The following STAG1 variants were observed in gnomAD, a reference collection of about 807,000 sequenced individuals.
STAG1 encodes the protein STAG1 cohesin complex component, also known as cohesin subunit SA-1.
In STAG1, 26 loss-of-function variants were observed where a neutral mutation model predicts 170.9. The ratio of observed to expected loss-of-function variants is 0.15; its 90% confidence interval spans 0.11 to 0.21. STAG1 has a LOEUF of 0.21. Ranked by LOEUF, STAG1 falls within the 10% of genes least tolerant of loss-of-function variation. STAG1 has a pLI of 1.00. For synonymous variants in STAG1, 514 were observed against 497.7 expected, an observed-to-expected ratio of 1.03 and a Z score of -0.44; for missense variants, 964 against 1,509.5, an observed-to-expected ratio of 0.64 and a Z score of 5.99.
In STAG1 at chr3:136,367,025, A is replaced by T; in HGVS notation, c.2603T>A (p.Leu868Gln). The change falls in exon 25 of 34, where the codon CTA (leucine) becomes CAA (glutamine). Residue 868 changes from leucine (L) to glutamine (Q), a missense_variant. Leu to Gln is a moderately radical substitution (Grantham distance 113). Transcript: ENST00000383202. ...GATAAGTTTGCTGAAAGCAGCAAGT[A>T]GATTCCTTCTTTTATGTAAGGCCTC... is the stretch of plus-strand genomic sequence containing the variant. ...KIEALHKRRN[L>Q]LAAFSKLIIY... 1 of 1,610,910 alleles carries T rather than the reference A, an allele frequency of 6.2e-7. No individual in the cohort carries two copies. The highest frequency in any genetic ancestry group is 8.5e-7 in the Non-Finnish European group (1 of 1,177,704).
chr3:136,393,681 C>T (rs2108331725), intron 22 of STAG1, among the ~76,000 whole-genome samples: 1 of 149,702 alleles, frequency 6.7e-6, no homozygotes, highest in African/African-American at 2.5e-5. Context: ...GCAATCTCTA[C>T]CTGCTGTGGG....
At chr3:136,381,516 G>A (rs1480050075) in intron 22 of STAG1, among the ~76,000 whole-genome samples, 3 of 152,174 alleles carry the variant, frequency 2.0e-5, no homozygotes, top group Non-Finnish European at 4.4e-5. Context: ...ACCTTGGGGA[G>A]AGCACTTTCA....
At chr3:136,358,770 T>TA in intron 27 of STAG1, among the ~76,000 whole-genome samples, 1 of 151,690 alleles carries the variant, frequency 6.6e-6, no homozygotes, top group East Asian at 2.0e-4. Flanking sequence ...GACAGGGTCT[T>TA]ACTGCATTGC....
intron 4 of STAG1, among the ~76,000 whole-genome samples, chr3:136,591,087 TAAGA>T (rs1478806291): frequency 6.6e-6 from 1 of 151,308 alleles, no homozygotes; most frequent in Non-Finnish European, 1.5e-5. Flanking sequence ...TTTGTTATAT[TAAGA>T]AAGTTGCTGC....
At chr3:136,394,809 C>T (rs2087105206) in intron 22 of STAG1, among the ~76,000 whole-genome samples, 1 of 151,702 alleles carries the variant, frequency 6.6e-6, no homozygotes, top group African/African-American at 2.4e-5. Context: ...AAAAATTAGC[C>T]AGGCATGGTG....
intron 21 of STAG1, among the ~76,000 whole-genome samples, chr3:136,400,294 C>A (rs967135529): frequency 6.6e-6 from 1 of 151,982 alleles, no homozygotes; most frequent in African/African-American, 2.4e-5. Context: ...GTGGCGTGAT[C>A]TCGGCTCACT....
intron 1 of STAG1, among the ~76,000 whole-genome samples, chr3:136,657,909 T>C (rs2107862324): frequency 6.6e-6 from 1 of 152,314 alleles, no homozygotes; most frequent in East Asian, 1.9e-4. Context: ...CCCTGTTGAC[T>C]TGTTGTACTT....
chr3:136,652,240 CA>C (rs1477858218), intron 1 of STAG1, among the ~76,000 whole-genome samples: 1 of 152,090 alleles, frequency 6.6e-6, no homozygotes, highest in Non-Finnish European at 1.5e-5. Flanking sequence ...TGTTAAAAGA[CA>C]AATATACTCA....
intron 1 of STAG1, among the ~76,000 whole-genome samples, chr3:136,657,122 GA>G: frequency 6.7e-6 from 1 of 148,602 alleles, no homozygotes; most frequent in Non-Finnish European, 1.5e-5. Flanking sequence ...TACTTATATG[GA>G]AAAAAAAGTG....
intron 13 of STAG1, among the ~76,000 whole-genome samples, chr3:136,462,824 C>A (rs765486337): frequency 1.3e-4 from 19 of 151,962 alleles, no homozygotes; most frequent in Non-Finnish European, 2.8e-4. Context: ...AAAAATTTAG[C>A]CAATATTTCA....
Position 136,542,669 on chromosome 3 carries a change from TAA to T in STAG1, c.395-476_395-475del, listed in dbSNP as rs55825292. Among the ~76,000 whole-genome samples, 646 of 113,046 alleles carry T rather than the reference TAA, an allele frequency of 5.7e-3. 5 individuals are homozygous for T. The highest frequency in any genetic ancestry group is 0.034 in the East Asian group (162 of 4,716). The allele number at this position is 113,046 out of a possible 152,430, so 74.2% of individuals were successfully genotyped here. A position where few individuals can be genotyped will look rare whatever the true frequency, so the allele number is the denominator to read the frequency against. ...GTTATCCCTGAAGCACTGTTTGTAA[TAA>T]AAAAAAAAAAAAAAGGAAAGAAAGC... On this transcript the variant is annotated intron_variant, in intron 5 of 33. Transcript: ENST00000383202.
intron 4 of STAG1, among the ~76,000 whole-genome samples, chr3:136,593,108 T>A (rs976172638): frequency 6.6e-6 from 1 of 152,036 alleles, no homozygotes; most frequent in African/African-American, 2.4e-5. Flanking sequence ...ATAGCTGGGG[T>A]TGGGAAGGCA....
intron 1 of STAG1, among the ~76,000 whole-genome samples, chr3:136,675,661 T>C (rs1041389769): frequency 1.3e-5 from 2 of 152,146 alleles, no homozygotes; most frequent in African/African-American, 4.8e-5. Flanking sequence ...CAGAACACTT[T>C]CATCATACCA....
At chr3:136,478,499 T>C (rs930012176) in intron 9 of STAG1, among the ~76,000 whole-genome samples, 2 of 152,208 alleles carry the variant, frequency 1.3e-5, no homozygotes, top group Non-Finnish European at 2.9e-5. Flanking sequence ...CTTCTGTAGA[T>C]CAATCTTCAA....
intron 15 of STAG1, among the ~76,000 whole-genome samples, chr3:136,438,902 G>A (rs1256752140): frequency 6.6e-6 from 1 of 151,950 alleles, no homozygotes; most frequent in Admixed American, 6.6e-5. Flanking sequence ...AGATTATCTA[G>A]TTAAAGTTTC....
At chr3:136,752,042 C>CG (rs1391496339) in intron 1 of STAG1, among the ~76,000 whole-genome samples, 153 bp downstream of exon 1, 1 of 151,046 alleles carries the variant, frequency 6.6e-6, no homozygotes, top group Non-Finnish European at 1.5e-5. Context: ...CTCCCCCGCA[C>CG]GGGGCCCGCG....
At position 136,518,690 on chromosome 3, in the gene STAG1, GAAC is replaced by G. The variant is rs573768761; in HGVS notation, c.676+2520_676+2522del. 4.9e-3 allele frequency among the ~76,000 whole-genome samples: 743 copies of G among 152,172 alleles called. 5 individuals are homozygous for G. Among genetic ancestry groups the G allele is most frequent in the African/African-American group, 0.01 (416 of 41,556 alleles). The stretch of plus-strand genomic sequence containing the variant: ...AGTAATACGTTAAAGTAAATTGAGA[GAAC>G]AACTGAAAAGTTTTATCCTTTGAAA... On this transcript the variant is annotated intron_variant, in intron 7 of 33. Coordinates refer to ENST00000383202, the MANE Select transcript of STAG1 (RefSeq NM_005862.3).
intron 1 of STAG1, among the ~76,000 whole-genome samples, chr3:136,751,180 T>C (rs923430267): frequency 1.4e-5 from 2 of 147,468 alleles, no homozygotes; most frequent in Non-Finnish European, 1.5e-5. Flanking sequence ...GCGTTTTTTT[T>C]TTTTGTTTTT....
chr3:136,369,271 T>C lies in STAG1; in HGVS notation c.2382A>G (p.Leu794=). 1 of 1,588,630 alleles carries C rather than the reference T, an allele frequency of 6.3e-7. No individual in the cohort carries two copies. The highest frequency in any genetic ancestry group is 2.3e-5 in the East Asian group (1 of 43,566). ...TGAAAATCATCAGAAGATCACAGAGTAACATGAAAGCCTGGAATACAAAGG... is the reference window on the plus strand; with the variant it reads ...TGAAAATCATCAGAAGATCACAGAGCAACATGAAAGCCTGGAATACAAAGG... ...NTPVKEQAFM[L]LCDLLMIFSH... Residue 794 remains leucine, a synonymous_variant, in exon 24 of 34, where the codon TTA becomes TTG. Transcript: ENST00000383202.
Sources: gnomAD v4.1 joint callset for allele counts (sites outside exome capture counted in the v4.1 genomes callset) on GRCh38, gnomAD v4.1.1 for gene constraint, MANE v1.5 for transcripts, NCBI Gene and HGNC (gene_info 2026-07-23, HGNC 2026-07-21) for gene names.